RBFOX1: variants seen among roughly 807,000 people sequenced by gnomAD.
RBFOX1 encodes RNA binding protein fox-1 homolog 1.
In RBFOX1, 8 loss-of-function variants were observed where a neutral mutation model predicts 57.7. That is an observed-to-expected ratio of 0.14 (90% CI 0.08 to 0.25). The LOEUF is 0.25. Among genes scored for constraint, RBFOX1 ranks in the 10% least tolerant of loss-of-function variants. The pLI is 1.00. For missense variants in RBFOX1, 611 were observed against 548.5 expected (o/e 1.11, Z -1.14); for synonymous variants, 326 against 222.4 (o/e 1.47, Z -4.15).
At chr16:5,929,226 C>G (rs1299292042) in intron 4 of RBFOX1, among the ~76,000 whole-genome samples, 1 of 151,984 alleles carries the variant, frequency 6.6e-6, no homozygotes, top group Non-Finnish European at 1.5e-5. Flanking sequence ...CACCTCTGTG[C>G]CACTTTCTAA....
chr16:6,536,102 T>A (rs935732612), intron 2 of RBFOX1, among the ~76,000 whole-genome samples: 2 of 152,202 alleles, frequency 1.3e-5, no homozygotes, highest in African/African-American at 4.8e-5. Flanking sequence ...TAATTACCAA[T>A]GCTTAGTAAG....
intron 4 of RBFOX1, among the ~76,000 whole-genome samples, chr16:7,161,068 G>C (rs2078227348): frequency 6.6e-6 from 1 of 151,756 alleles, no homozygotes; most frequent in Non-Finnish European, 1.5e-5. Flanking sequence ...CTACCCAGAT[G>C]ACTACCTTTC....
intron 1 of RBFOX1, among the ~76,000 whole-genome samples, chr16:5,417,717 A>G (rs2067197752): frequency 6.6e-6 from 1 of 152,198 alleles, no homozygotes; most frequent in South Asian, 2.1e-4. Flanking sequence ...CATTTAATAA[A>G]TGTATGTTGA....
chr16:6,261,831 A>C (rs1303983382), intron 1 of RBFOX1, among the ~76,000 whole-genome samples: 1 of 151,428 alleles, frequency 6.6e-6, no homozygotes, highest in East Asian at 1.9e-4. Flanking sequence ...CCCCGTCTTT[A>C]CTAAAAATAC....
chr16:5,496,778 G>A (rs10500327), intron 2 of RBFOX1, among the ~76,000 whole-genome samples: 3,536 of 152,118 alleles, frequency 0.023, 142 homozygotes, highest in African/African-American at 0.08. Flanking sequence ...TCCCTGTGTC[G>A]AGATCCATTT....
At chr16:5,468,146 G>A (rs188886782) in intron 2 of RBFOX1, among the ~76,000 whole-genome samples, 72 of 152,314 alleles carry the variant, frequency 4.7e-4, no homozygotes, top group African/African-American at 1.7e-3. Flanking sequence ...CCAGTTATGG[G>A]TAGAAGAGTT....
chr16:7,476,441 C>G lies in RBFOX1; in HGVS notation c.28-41706C>G, dbSNP rs529925686. Among the ~76,000 whole-genome samples, 3 of 152,320 alleles carry G rather than the reference C, an allele frequency of 2.0e-5. No homozygotes were observed. The South Asian group carries it at 6.2e-4, about 32-fold the overall frequency. ...AAAAATGCCTGACACGTAAAGATCA[C>G]TTAATAAATGTTGGTTATTCTTACT... is the stretch of plus-strand genomic sequence containing the variant. On this transcript the variant is annotated intron_variant, in intron 4 of 15. Transcript: ENST00000550418.
Position 6,926,133 on chromosome 16 carries a change from C to A in RBFOX1, c.-15-125924C>A, listed in dbSNP as rs1383155252. 2.0e-5 allele frequency among the ~76,000 whole-genome samples: 3 copies of A among 152,042 alleles called. No individual in the cohort carries two copies. The East Asian group carries it at 5.8e-4, about 30-fold the overall frequency. ...CCAGCCTGGCCAACATGATGAAACC[C>A]TGTCTCTACTAAAAATACAAAAAAC... On this transcript the variant is annotated intron_variant, in intron 3 of 15. Transcript: ENST00000550418.
chr16:6,503,371 A>C (rs894288655), intron 2 of RBFOX1, among the ~76,000 whole-genome samples: 4 of 152,216 alleles, frequency 2.6e-5, no homozygotes, highest in African/African-American at 9.6e-5. Context: ...TTCTTGTAAC[A>C]GTTAGCTTTT....
At chr16:6,217,743 A>G (rs1219314436) in intron 1 of RBFOX1, among the ~76,000 whole-genome samples, 1 of 152,188 alleles carries the variant, frequency 6.6e-6, no homozygotes, top group African/African-American at 2.4e-5. Context: ...GGCTGGGCAC[A>G]GTGGCTCGTG....
At chr16:5,411,371 G>A (rs976950788) in intron 1 of RBFOX1, among the ~76,000 whole-genome samples, 2 of 152,184 alleles carry the variant, frequency 1.3e-5, no homozygotes, top group Non-Finnish European at 2.9e-5. Context: ...TGAGCTGTTG[G>A]CTGGAGATGG....
chr16:6,671,348 T>C (rs573120908), intron 3 of RBFOX1, among the ~76,000 whole-genome samples: 2 of 152,340 alleles, frequency 1.3e-5, no homozygotes, highest in East Asian at 1.9e-4. Context: ...ATTGATATAA[T>C]GTTTAATAAA....
intron 2 of RBFOX1, among the ~76,000 whole-genome samples, chr16:6,566,809 G>C (rs1033505538): frequency 1.3e-5 from 2 of 152,130 alleles, no homozygotes; most frequent in African/African-American, 2.4e-5. Context: ...ATTTCTATCA[G>C]CGTTTTTATC....
intron 3 of RBFOX1, among the ~76,000 whole-genome samples, chr16:6,877,645 C>A (rs114359489): frequency 6.6e-6 from 1 of 152,208 alleles, no homozygotes; most frequent in South Asian, 2.1e-4. Flanking sequence ...AGCATTTTTA[C>A]GGACAAGCCC....
intron 4 of RBFOX1, among the ~76,000 whole-genome samples, chr16:5,956,313 A>C (rs2059638218): frequency 6.6e-6 from 1 of 152,180 alleles, no homozygotes; most frequent in Admixed American, 6.6e-5. Context: ...TATTAAGCCC[A>C]GTAAAATTTG....
In RBFOX1 at chr16:5,455,801, C is replaced by T. The variant is rs866206051; in HGVS notation, c.220-11415C>T. On this transcript the variant is annotated intron_variant, in intron 1 of 2. Transcript: ENST00000585867. ...GAAGTGAAATGCAGGGTGAAGGGTG[C>T]TTGGCTAGAGAACCCTGGTTTCGAG... Among the ~76,000 whole-genome samples, 5 of 152,210 alleles carry T rather than the reference C, an allele frequency of 3.3e-5. No individual in the cohort carries two copies. In the South Asian group the frequency reaches 8.3e-4, roughly 25 times the overall value.
At chr16:6,631,887 A>T (rs2098389418) in intron 2 of RBFOX1, among the ~76,000 whole-genome samples, 1 of 152,156 alleles carries the variant, frequency 6.6e-6, no homozygotes, top group Non-Finnish European at 1.5e-5. Flanking sequence ...TAAGAAGGTC[A>T]TTGTAGCCAA....
intron 4 of RBFOX1, among the ~76,000 whole-genome samples, chr16:5,991,197 A>G (rs1482250838): frequency 6.6e-6 from 1 of 152,144 alleles, no homozygotes; most frequent in African/African-American, 2.4e-5. Context: ...CCTCATGGCA[A>G]TCCCACTAGG....
At chr16:6,759,766 G>C (rs2076343133) in intron 3 of RBFOX1, among the ~76,000 whole-genome samples, 2 of 152,104 alleles carry the variant, frequency 1.3e-5, no homozygotes, top group African/African-American at 4.8e-5. Context: ...TCATGCTAAA[G>C]AAATAATAAG....
Sources: allele counts gnomAD v4.1 joint callset (sites outside exome capture counted in the v4.1 genomes callset), GRCh38; gene constraint gnomAD v4.1.1; transcripts MANE v1.5; gene names NCBI Gene and HGNC (gene_info 2026-07-23, HGNC 2026-07-21).